Variants in ROCK2 observed in about 807,000 individuals in gnomAD.
ROCK2 encodes the protein Rho associated coiled-coil containing protein kinase 2.
In ROCK2, 61 loss-of-function variants were observed where a neutral mutation model predicts 195.1. The ratio of observed to expected loss-of-function variants is 0.31; its 90% confidence interval spans 0.25 to 0.39. The LOEUF is 0.39. Among genes scored for constraint, ROCK2 ranks in the 10% least tolerant of loss-of-function variants. ROCK2 has a pLI of 1.00. For missense variants in ROCK2, 1,109 were observed against 1,637.4 expected (o/e 0.68, Z 5.57); for synonymous variants, 504 against 545.5 (o/e 0.92, Z 1.06).
At chr2:11,296,397 T>C (rs909213020) in intron 1 of ROCK2, among the ~76,000 whole-genome samples, 8 of 152,228 alleles carry the variant, frequency 5.3e-5, no homozygotes, top group African/African-American at 1.9e-4. Context: ...AGCCTGTTTC[T>C]AGTCAATTGT....
chr2:11,224,724 T>G (rs932683357), intron 6 of ROCK2, among the ~76,000 whole-genome samples: 17 of 152,112 alleles, frequency 1.1e-4, no homozygotes, highest in African/African-American at 3.6e-4. Flanking sequence ...TGTTGAGTTT[T>G]TTTTTTTTTT....
At chr2:11,189,693 G>A (rs972005392) in intron 32 of ROCK2, among the ~76,000 whole-genome samples, 3 of 151,962 alleles carry the variant, frequency 2.0e-5, no homozygotes, top group African/African-American at 7.3e-5. Context: ...ATTCAAAATG[G>A]AATACTGGCC....
intron 32 of ROCK2, among the ~76,000 whole-genome samples, chr2:11,188,957 A>G (rs968988985): frequency 2.0e-5 from 3 of 149,352 alleles, no homozygotes; most frequent in African/African-American, 7.4e-5. Context: ...AATTGCTTGA[A>G]CCTGGAAGGT....
At chr2:11,306,812 G>A (rs1667872389) in intron 1 of ROCK2, among the ~76,000 whole-genome samples, 1 of 152,164 alleles carries the variant, frequency 6.6e-6, no homozygotes, top group Non-Finnish European at 1.5e-5. Flanking sequence ...CCATAATACT[G>A]CAGCCAGCTA....
intron 3 of ROCK2, among the ~76,000 whole-genome samples, chr2:11,285,219 G>A (rs909911309): frequency 6.8e-6 from 1 of 147,678 alleles, no homozygotes; most frequent in Non-Finnish European, 1.5e-5. Flanking sequence ...CCGAGATCGC[G>A]CCATTGCACT....
intron 1 of ROCK2, among the ~76,000 whole-genome samples, chr2:11,324,027 G>A (rs1043574756): frequency 1.3e-5 from 2 of 152,146 alleles, no homozygotes; most frequent in African/African-American, 4.8e-5. Flanking sequence ...AACAGTCACT[G>A]ATCTTTTTGC....
chr2:11,224,843 T>G (rs536290000), intron 6 of ROCK2, among the ~76,000 whole-genome samples: 8 of 152,150 alleles, frequency 5.3e-5, no homozygotes, highest in Non-Finnish European at 1.2e-4. Context: ...CATTTTGAAA[T>G]CATTCTCTAG....
intron 5 of ROCK2, among the ~76,000 whole-genome samples, chr2:11,233,776 C>A (rs1665106365): frequency 6.6e-6 from 1 of 151,648 alleles, no homozygotes; most frequent in Non-Finnish European, 1.5e-5. Flanking sequence ...ACATATAGTA[C>A]ACTATACTAA....
Position 11,218,968 on chromosome 2 carries a change from C to A in ROCK2, c.1318G>T (p.Glu440Ter). ...ETDSIQSRKN[E>*]ESQEIQKKLY... ...CAGCAGTAAAAATGTATACGTACTT[C>A]ATTTTTCCTTGATTGTATGGAATCA... is the stretch of plus-strand genomic sequence containing the variant. Residue 440 changes from glutamate (E) to a stop codon, truncating the protein, a stop_gained and splice_region_variant, in exon 10 of 33, where the codon GAA becomes TAA. Coordinates refer to ENST00000315872, the MANE Select transcript of ROCK2 (RefSeq NM_004850.5). LOFTEE classifies it high-confidence loss of function. 1 of 1,448,142 alleles carries A rather than the reference C, an allele frequency of 6.9e-7. No homozygotes were observed. The highest frequency in any genetic ancestry group is 9.5e-7 in the Non-Finnish European group (1 of 1,051,504). 89.7% of individuals were successfully genotyped at this position (1,448,142 alleles called of 1,614,324 possible). A position where few individuals can be genotyped will look rare whatever the true frequency, so the allele number is the denominator to read the frequency against.
intron 3 of ROCK2, among the ~76,000 whole-genome samples, chr2:11,261,412 T>C (rs4669700): frequency 0.2 from 30,822 of 152,192 alleles, 3,742 homozygotes; most frequent in East Asian, 0.54. Context: ...AGCATCTCTG[T>C]AGATTTCCCT....
Position 11,183,368 on chromosome 2 carries a change from A to AT in ROCK2, c.*68dup. 7.3e-7 allele frequency: 1 copy of AT among 1,374,070 alleles called. No individual in the cohort carries two copies. The highest frequency in any genetic ancestry group is 1.0e-6 in the Non-Finnish European group (1 of 986,598). 85.1% of individuals were successfully genotyped at this position (1,374,070 alleles called of 1,614,324 possible). On this transcript the variant is annotated 3_prime_UTR_variant, in exon 33 of 33. Coordinates refer to ENST00000315872, the MANE Select transcript of ROCK2 (RefSeq NM_004850.5). ...GCTTTTTAATAAATTTTGGGCCATC[A>AT]TATTTCAGTCTTGTTTTCACTGGAA...
At chr2:11,312,950 T>C (rs988710768) in intron 1 of ROCK2, among the ~76,000 whole-genome samples, 7 of 151,996 alleles carry the variant, frequency 4.6e-5, no homozygotes, top group East Asian at 1.9e-4. Context: ...AGCTCAGTGG[T>C]TGGAGGCAAC....
intron 4 of ROCK2, among the ~76,000 whole-genome samples, chr2:11,249,217 AATG>A (rs1008694219): frequency 6.6e-6 from 1 of 152,084 alleles, no homozygotes; most frequent in Non-Finnish European, 1.5e-5. Flanking sequence ...TTATTTTTTT[AATG>A]ATTATACTTT....
At position 11,202,537 on chromosome 2, in the gene ROCK2, G is replaced by A. The variant is rs570417608; in HGVS notation, c.2550-416C>T. Among the ~76,000 whole-genome samples, 7 of 151,366 alleles carry A rather than the reference G, an allele frequency of 4.6e-5. No individual in the cohort carries two copies. The South Asian group carries it at 6.3e-4, about 14-fold the overall frequency. On this transcript the variant is annotated intron_variant, in intron 20 of 32. Transcript: ENST00000315872. ...TTTTGAGACGGAGTCTCACTCTGTC[G>A]CCCAGGCTGGAGTGCAGTGGTGCGA...
intron 1 of ROCK2, among the ~76,000 whole-genome samples, chr2:11,311,473 G>A (rs1345669117): frequency 6.6e-6 from 1 of 152,128 alleles, no homozygotes; most frequent in Non-Finnish European, 1.5e-5. Context: ...AAAGTCCAGG[G>A]TTTTTAATGG....
At chr2:11,317,852 G>T (rs575662730) in intron 1 of ROCK2, among the ~76,000 whole-genome samples, 1 of 151,176 alleles carries the variant, frequency 6.6e-6, no homozygotes, top group African/African-American at 2.4e-5. Context: ...ACCTACGAGT[G>T]AGAATATGCG....
At chr2:11,296,425 C>A (rs915851044) in intron 1 of ROCK2, among the ~76,000 whole-genome samples, 3 of 152,126 alleles carry the variant, frequency 2.0e-5, no homozygotes, top group Admixed American at 6.5e-5. Context: ...ATAAACAGAA[C>A]CTTCTTTTTC....
chr2:11,272,195 C>T (rs1445706231), intron 3 of ROCK2, among the ~76,000 whole-genome samples: 1 of 152,042 alleles, frequency 6.6e-6, no homozygotes, highest in Non-Finnish European at 1.5e-5. Flanking sequence ...ATTAAGGGAG[C>T]TTGTTACCAG....
rs1663048866 is a variant in ROCK2 at position 11,182,647 on chromosome 2, T to C, written c.*790A>G. ...CCTAAGAGCTGGTAAACGCTTTTTTTGTTTTTTAATACAGACAGGGCTGAG... is the reference window on the plus strand; with the variant it reads ...CCTAAGAGCTGGTAAACGCTTTTTTCGTTTTTTAATACAGACAGGGCTGAG... On this transcript the variant is annotated 3_prime_UTR_variant, in exon 33 of 33. Transcript: ENST00000315872. 6.6e-6 allele frequency: 1 copy of C among 152,658 alleles called. No homozygotes were observed. The highest frequency in any genetic ancestry group is 1.5e-5 in the Non-Finnish European group (1 of 68,038). 9.5% of individuals were successfully genotyped at this position (152,658 alleles called of 1,614,324 possible). A position where few individuals can be genotyped will look rare whatever the true frequency, so the allele number is the denominator to read the frequency against.
Sources: gnomAD v4.1 joint callset for allele counts (sites outside exome capture counted in the v4.1 genomes callset) on GRCh38, gnomAD v4.1.1 for gene constraint, MANE v1.5 for transcripts, NCBI Gene and HGNC (gene_info 2026-07-23, HGNC 2026-07-21) for gene names.